The following MYO9A variants were observed in gnomAD, a reference collection of about 807,000 sequenced individuals.
MYO9A encodes myosin IXA.
Under a neutral mutation model 293.3 loss-of-function variants are expected in MYO9A, and 103 were observed. The observed-to-expected ratio is 0.35, with a 90% confidence interval of 0.30 to 0.41. The LOEUF (loss-of-function observed/expected upper bound fraction) is 0.41, where lower values mean the gene tolerates loss of function less well. Among genes scored for constraint, MYO9A ranks in the 10% least tolerant of loss-of-function variants. MYO9A has a pLI of 1.00. For synonymous variants in MYO9A, 1,001 were observed against 1,035.7 expected (o/e 0.97, Z 0.64); for missense variants, 2,685 against 3,033.0 (o/e 0.89, Z 2.69).
chr15:71,970,355 A>T (rs532566820), intron 12 of MYO9A, among the ~76,000 whole-genome samples: 172 of 152,342 alleles, frequency 1.1e-3, no homozygotes, highest in Non-Finnish European at 2.1e-3. Context: ...GAAAGGCTAA[A>T]CCAAGACCTC....
chr15:71,994,801 C>T (rs1236716926), intron 9 of MYO9A, among the ~76,000 whole-genome samples: 1 of 152,192 alleles, frequency 6.6e-6, no homozygotes, highest in Non-Finnish European at 1.5e-5. Flanking sequence ...GGTGCAATCT[C>T]GGCTCATGGC....
chr15:72,073,559 A>G (rs1188065075), intron 1 of MYO9A, among the ~76,000 whole-genome samples: 1 of 152,228 alleles, frequency 6.6e-6, no homozygotes, highest in South Asian at 2.1e-4. Flanking sequence ...CTTTGATTGA[A>G]CAAATACATA....
intron 19 of MYO9A, among the ~76,000 whole-genome samples, chr15:71,907,168 C>T (rs2057687016): frequency 6.7e-6 from 1 of 150,280 alleles, no homozygotes; most frequent in Non-Finnish European, 1.5e-5. Flanking sequence ...TGTTCAATTC[C>T]CACCTATGAG....
At position 71,837,869 on chromosome 15, in the gene MYO9A, AC is replaced by A. The variant is rs1567182903; in HGVS notation, c.6838-7559del. Among the ~76,000 whole-genome samples the A allele has an allele frequency of 4.6e-5, 7 of 152,270 alleles. No homozygotes were observed. The East Asian group carries it at 1.3e-3, about 29-fold the overall frequency. ...AATGAGTAATACAAAATTTGCAAAT[AC>A]ACTAAATTATTAACAGTAGTTTCCT... On this transcript the variant is annotated intron_variant, in intron 39 of 41. Coordinates refer to ENST00000356056, the MANE Select transcript of MYO9A (RefSeq NM_006901.4).
Position 71,854,418 on chromosome 15 carries a change from G to T in MYO9A, c.6305C>A (p.Ser2102Ter). ...YTEGIYRKSGSTNKIKELRQG... is the reference protein window; with the variant it reads ...YTEGIYRKSG ...CCGAAGCTCCTTGATTTTATTAGTC[G>T]AACCAGACTTTCGATAAATACCTTC... The change falls in exon 35 of 42, where the codon TCG becomes TAG. Residue 2102 changes from serine to a stop codon, truncating the protein, a stop_gained. Coordinates refer to ENST00000356056, the MANE Select transcript of MYO9A (RefSeq NM_006901.4). LOFTEE classifies it high-confidence loss of function. 6.2e-7 allele frequency: 1 copy of T among 1,604,506 alleles called. No homozygotes were observed. Among genetic ancestry groups the T allele is most frequent in the Non-Finnish European group, 8.5e-7 (1 of 1,176,116 alleles).
At chr15:72,053,035 A>G (rs1360961125) in intron 1 of MYO9A, among the ~76,000 whole-genome samples, 1 of 152,184 alleles carries the variant, frequency 6.6e-6, no homozygotes. Context: ...CCACAAAGCC[A>G]AAAACTTTTA....
chr15:71,873,985 G>A (rs2056602654), intron 32 of MYO9A, among the ~76,000 whole-genome samples: 1 of 152,098 alleles, frequency 6.6e-6, no homozygotes, highest in African/African-American at 2.4e-5. Context: ...TTACAGATGA[G>A]GACATTGAGA....
chr15:71,890,669 G>A (rs1227425155), intron 26 of MYO9A: 1 of 152,088 alleles, frequency 6.6e-6, no homozygotes, highest in African/African-American at 2.4e-5. Context: ...TCACTAAGGA[G>A]GGAAACTACT....
intron 1 of MYO9A, among the ~76,000 whole-genome samples, chr15:72,106,233 T>C (rs1473913071): frequency 1.3e-5 from 2 of 148,524 alleles, no homozygotes; most frequent in Non-Finnish European, 3.0e-5. Context: ...ATCTCAGCAC[T>C]CTGGGAGGCT....
intron 30 of MYO9A, among the ~76,000 whole-genome samples, chr15:71,879,434 T>C (rs531147737): frequency 6.6e-6 from 1 of 151,950 alleles, no homozygotes; most frequent in South Asian, 2.1e-4. Flanking sequence ...AAAAACAGAA[T>C]CATACCCAGG....
chr15:71,869,907 A>G (rs1266441975), intron 32 of MYO9A, among the ~76,000 whole-genome samples: 1 of 152,216 alleles, frequency 6.6e-6, no homozygotes, highest in South Asian at 2.1e-4. Context: ...GTGGAAAAGA[A>G]TGCTAACTGC....
At position 71,901,300 on chromosome 15, in the gene MYO9A, A is replaced by AG. The variant is rs761033965; in HGVS notation, c.3040dup (p.Leu1014ProfsTer23). The AG allele has an allele frequency of 1.2e-6, 2 of 1,613,978 alleles. No homozygotes were observed. Among genetic ancestry groups the AG allele is most frequent in the Non-Finnish European group, 1.7e-6 (2 of 1,179,932 alleles). ...TCTGCGGAGCACCTCTTGGTGAAGC[A>AG]GATCTTGTAAGTGCTGTCGTTCCTG... On this transcript the variant is annotated frameshift_variant, in exon 23 of 42. Coordinates refer to ENST00000356056, the MANE Select transcript of MYO9A (RefSeq NM_006901.4). LOFTEE classifies it high-confidence loss of function.
chr15:72,021,960 C>T (rs2077513998), intron 4 of MYO9A, among the ~76,000 whole-genome samples: 1 of 152,062 alleles, frequency 6.6e-6, no homozygotes, highest in Non-Finnish European at 1.5e-5. Flanking sequence ...AGGCATGGAA[C>T]AATATACATA....
At chr15:72,100,274 T>C (rs891480156) in intron 1 of MYO9A, among the ~76,000 whole-genome samples, 3 of 152,130 alleles carry the variant, frequency 2.0e-5, no homozygotes, top group Non-Finnish European at 4.4e-5. Context: ...CCCAGCACTT[T>C]GAGAGGCCGA....
In MYO9A at chr15:71,848,870, C is replaced by G. The variant is rs764060322; in HGVS notation, c.6812G>C (p.Arg2271Thr). ...LEFAENKAKT[R>T]LSLIRRSMGK... ...CATTGATCTACGAATCAGTGACAAC[C>G]TGGTCTTTGCCTTATTCTCAGCAAA... Residue 2271 changes from arginine (R) to threonine (T), a missense_variant, in exon 39 of 42, where the codon AGG becomes ACG. By Grantham distance (71) the Arg-to-Thr change is moderately conservative. Coordinates refer to ENST00000356056, the MANE Select transcript of MYO9A (RefSeq NM_006901.4). 8.7e-6 allele frequency: 14 copies of G among 1,609,322 alleles called. No individual in the cohort carries two copies. In the East Asian group the frequency reaches 3.1e-4, roughly 36 times the overall value.
At position 71,825,943 on chromosome 15, in the gene MYO9A, A is replaced by G. The variant is rs1426242703; in HGVS notation, c.*637T>C. On this transcript the variant is annotated 3_prime_UTR_variant, in exon 42 of 42. Coordinates refer to ENST00000356056, the MANE Select transcript of MYO9A (RefSeq NM_006901.4). ...ATTCTCTTCTTCACTGTATAACAAG[A>G]TATCTGAGACACGCTCTGATGGCTT... is the stretch of plus-strand genomic sequence containing the variant. The G allele has an allele frequency of 6.6e-6, 1 of 151,324 alleles. No homozygotes were observed. Among genetic ancestry groups the G allele is most frequent in the Non-Finnish European group, 1.5e-5 (1 of 67,928 alleles). The allele number at this position is 151,324 out of a possible 1,614,324, so 9.4% of individuals were successfully genotyped here.
intron 19 of MYO9A, among the ~76,000 whole-genome samples, chr15:71,908,018 C>T (rs2057719183): frequency 1.3e-5 from 2 of 152,194 alleles, no homozygotes; most frequent in African/African-American, 4.8e-5. Flanking sequence ...AAGTACTTGC[C>T]CATGCCTATG....
chr15:71,949,150 T>G (rs1317686539), intron 15 of MYO9A, among the ~76,000 whole-genome samples: 1 of 152,186 alleles, frequency 6.6e-6, no homozygotes, highest in Non-Finnish European at 1.5e-5. Context: ...GGTGTAGTTT[T>G]CCTTCGTATT....
intron 2 of MYO9A, chr15:72,041,377 T>A: frequency 2.0e-6 from 1 of 490,996 alleles, no homozygotes; most frequent in Non-Finnish European, 4.0e-6. Context: ...TGAATGCATA[T>A]CAGTTGATAA....
Sources: gnomAD v4.1 joint callset for allele counts (sites outside exome capture counted in the v4.1 genomes callset) on GRCh38, gnomAD v4.1.1 for gene constraint, MANE v1.5 for transcripts, NCBI Gene and HGNC (gene_info 2026-07-23, HGNC 2026-07-21) for gene names.